DLGAP2: variants seen among roughly 807,000 people sequenced by gnomAD.
The protein encoded by DLGAP2 is disks large-associated protein 2.
Under a neutral mutation model 100.3 loss-of-function variants are expected in DLGAP2, and 26 were observed. That is an observed-to-expected ratio of 0.26 (90% confidence interval 0.19 to 0.36). The LOEUF is 0.36. Among genes scored for constraint, DLGAP2 ranks in the 10% least tolerant of loss-of-function variants. The probability of loss-of-function intolerance (pLI) is 1.00; values close to 1 mark genes in which losing one functional copy is unlikely to be tolerated. For synonymous variants in DLGAP2, 886 were observed against 630.1 expected (o/e 1.41, Z -6.08); for missense variants, 1,858 against 1,453.2 (o/e 1.28, Z -4.53).
Position 1,685,906 on chromosome 8 carries a change from A to G in DLGAP2, c.2705-5629A>G, listed in dbSNP as rs565022849. 3.9e-5 allele frequency among the ~76,000 whole-genome samples: 6 copies of G among 152,336 alleles called. No homozygotes were observed. The South Asian group carries it at 1.2e-3, about 32-fold the overall frequency. On this transcript the variant is annotated intron_variant, in intron 12 of 14. Transcript: ENST00000637795. ...CCTCATCCCAGCTAGAATGGCTATT[A>G]TCACAAAGACAAAAAAACAGCAAAT... is the stretch of plus-strand genomic sequence containing the variant.
In DLGAP2 at chr8:1,186,289, A is replaced by G. The variant is rs947773109; in HGVS notation, c.74-72562A>G. ...CCGAGCATCTGCGAACCTTGGGGGC[A>G]GATCCAGCGTACTCACCATTAAGGC... On this transcript the variant is annotated intron_variant, in intron 2 of 14. Transcript: ENST00000637795. Among the ~76,000 whole-genome samples the G allele has an allele frequency of 7.9e-5, 12 of 152,266 alleles. 1 individual carries two copies. Among genetic ancestry groups the G allele is most frequent in the Admixed American group, 6.5e-4 (10 of 15,290 alleles).
intron 5 of DLGAP2, among the ~76,000 whole-genome samples, chr8:1,552,780 T>G (rs1801813289): frequency 6.6e-6 from 1 of 152,240 alleles, no homozygotes; most frequent in South Asian, 2.1e-4. Flanking sequence ...ACTTTTCATT[T>G]TCACCCTTGG....
At chr8:1,363,370 G>C (rs369224685) in intron 3 of DLGAP2, among the ~76,000 whole-genome samples, 1 of 152,138 alleles carries the variant, frequency 6.6e-6, no homozygotes, top group South Asian at 2.1e-4. Flanking sequence ...CCGGTCCCAC[G>C]TCCGTGGCAC....
At chr8:1,107,826 G>T (rs1041620288) in intron 2 of DLGAP2, among the ~76,000 whole-genome samples, 9 of 152,134 alleles carry the variant, frequency 5.9e-5, no homozygotes, top group Non-Finnish European at 1.0e-4. Flanking sequence ...GTTGCATTTG[G>T]CAGGAGCCTT....
At chr8:1,568,524 G>A (rs112049325) in intron 6 of DLGAP2, among the ~76,000 whole-genome samples, 1 of 128,330 alleles carries the variant, frequency 7.8e-6, no homozygotes, top group East Asian at 2.5e-4. Flanking sequence ...CCACTCAGCA[G>A]ACACAAATCC....
intron 1 of DLGAP2, among the ~76,000 whole-genome samples, chr8:838,991 G>A (rs1796932730): frequency 6.6e-6 from 1 of 152,180 alleles, no homozygotes; most frequent in Non-Finnish European, 1.5e-5. Context: ...GAGGTTACCT[G>A]TTATTTTGTT....
intron 2 of DLGAP2, among the ~76,000 whole-genome samples, chr8:1,102,950 T>C (rs1450270952): frequency 6.6e-6 from 1 of 151,788 alleles, no homozygotes; most frequent in Non-Finnish European, 1.5e-5. Flanking sequence ...CTCTGGGGTC[T>C]CTGTGGTTTT....
At chr8:1,002,162 G>C (rs1800978519) in intron 2 of DLGAP2, 1 of 152,172 alleles carries the variant, frequency 6.6e-6, no homozygotes, top group Admixed American at 6.5e-5. Flanking sequence ...AGAACTCACA[G>C]CTAAGGAGGG....
intron 3 of DLGAP2, among the ~76,000 whole-genome samples, chr8:1,269,076 C>G (rs993364816): frequency 1.3e-5 from 2 of 152,168 alleles, no homozygotes; most frequent in Admixed American, 6.5e-5. Flanking sequence ...GTGAATTCAT[C>G]AAGTCTAAAT....
intron 4 of DLGAP2, among the ~76,000 whole-genome samples, chr8:1,517,611 A>T (rs913960208): frequency 6.6e-6 from 1 of 152,124 alleles, no homozygotes; most frequent in Admixed American, 6.5e-5. Flanking sequence ...GGGCCCCTCC[A>T]TCCGAATGCA....
intron 3 of DLGAP2, among the ~76,000 whole-genome samples, chr8:1,430,029 C>CATATATATATATATAT (rs1298205913): frequency 2.5e-5 from 1 of 39,248 alleles, no homozygotes; most frequent in African/African-American, 9.5e-5. Flanking sequence ...TATATATATA[C>CATATATATATATATAT]ACACACACAC....
intron 1 of DLGAP2, among the ~76,000 whole-genome samples, chr8:838,309 A>G (rs1796919963): frequency 1.3e-5 from 2 of 152,178 alleles, no homozygotes; most frequent in Non-Finnish European, 2.9e-5. Flanking sequence ...TCTCATGGTT[A>G]AAACCTAAGA....
At chr8:1,069,855 C>T (rs1453761788) in intron 2 of DLGAP2, among the ~76,000 whole-genome samples, 5 of 152,112 alleles carry the variant, frequency 3.3e-5, no homozygotes, top group Admixed American at 3.3e-4. Context: ...TGCCTCACGT[C>T]TGCGGAAGAG....
intron 4 of DLGAP2, among the ~76,000 whole-genome samples, chr8:1,503,675 T>C (rs2130333866): frequency 6.6e-6 from 1 of 152,250 alleles, no homozygotes; most frequent in Admixed American, 6.5e-5. Flanking sequence ...TGCTTCCTCG[T>C]TTTGAGGAAC....
chr8:1,436,425 G>A (rs771775354), intron 3 of DLGAP2, among the ~76,000 whole-genome samples: 3 of 152,130 alleles, frequency 2.0e-5, no homozygotes, highest in Non-Finnish European at 4.4e-5. Flanking sequence ...TAGCCGTGCT[G>A]GCAGCCGAAT....
Position 1,068,382 on chromosome 8 carries a change from G to A in DLGAP2, c.73+160416G>A, listed in dbSNP as rs149541856. ...TAGTTTTGTAAGAAACCACCAAAAT[G>A]TCTTCCAACGCAGCTGCGTTGTTCA... On this transcript the variant is annotated intron_variant, in intron 2 of 14. Coordinates refer to ENST00000637795, the MANE Select transcript of DLGAP2 (RefSeq NM_001346810.2). Among the ~76,000 whole-genome samples the A allele has an allele frequency of 2.5e-4, 38 of 152,350 alleles. No homozygotes were observed. The East Asian group carries it at 7.3e-3, about 29-fold the overall frequency.
intron 2 of DLGAP2, among the ~76,000 whole-genome samples, chr8:1,213,583 C>G (rs922753245): frequency 6.6e-6 from 1 of 152,182 alleles, no homozygotes; most frequent in African/African-American, 2.4e-5. Context: ...TCTGCGGCAT[C>G]TTCCTCAGAT....
intron 1 of DLGAP2, among the ~76,000 whole-genome samples, chr8:846,229 A>C (rs1357090707): frequency 6.6e-6 from 1 of 152,166 alleles, no homozygotes; most frequent in Non-Finnish European, 1.5e-5. Context: ...AGACCACCAG[A>C]ACTTAGTCTT....
intron 4 of DLGAP2, among the ~76,000 whole-genome samples, chr8:1,537,784 A>AGGAAGGAAGGAAGGAC (rs1386875952): frequency 1.1e-4 from 16 of 141,084 alleles, no homozygotes; most frequent in African/African-American, 3.7e-4. Context: ...GAAGGAAGGA[A>AGGAAGGAAGGAAGGAC]GGACAAATGG....
Sources: gnomAD v4.1 joint callset for allele counts (sites outside exome capture counted in the v4.1 genomes callset) on GRCh38, gnomAD v4.1.1 for gene constraint, MANE v1.5 for transcripts, NCBI Gene and HGNC (gene_info 2026-07-23, HGNC 2026-07-21) for gene names.